Variants in ROR1 observed in about 807,000 individuals in gnomAD.
The protein encoded by ROR1 is ROR family WNT receptor 1.
A neutral mutation model predicts 78.8 loss-of-function variants in ROR1; 19 were observed. That is an observed-to-expected ratio of 0.24 (90% CI 0.17 to 0.35). The LOEUF is 0.35. Among genes scored for constraint, ROR1 ranks in the 10% least tolerant of loss-of-function variants. The pLI is 1.00. For missense variants in ROR1, 917 were observed against 1,177.8 expected, an observed-to-expected ratio of 0.78 and a Z score of 3.24; for synonymous variants, 386 against 433.6, an observed-to-expected ratio of 0.89 and a Z score of 1.36.
At chr1:63,941,661 G>C (rs146291541) in intron 1 of ROR1, among the ~76,000 whole-genome samples, 1 of 152,152 alleles carries the variant, frequency 6.6e-6, no homozygotes, top group Non-Finnish European at 1.5e-5. Flanking sequence ...CTGCAAAGAT[G>C]TGTAGACATA....
chr1:64,069,305 A>G (rs1187797301), intron 4 of ROR1, among the ~76,000 whole-genome samples: 1 of 152,224 alleles, frequency 6.6e-6, no homozygotes, highest in Non-Finnish European at 1.5e-5. Flanking sequence ...TTTGTGGCAT[A>G]TCTTCTTCCC....
intron 1 of ROR1, among the ~76,000 whole-genome samples, chr1:63,921,236 TATTAA>T (rs1645651840): frequency 6.6e-6 from 1 of 152,146 alleles, no homozygotes; most frequent in Non-Finnish European, 1.5e-5. Flanking sequence ...GGGCAGTGCT[TATTAA>T]ATTCAGCGTG....
chr1:64,129,393 T>C (rs1009186678), intron 4 of ROR1, among the ~76,000 whole-genome samples: 5 of 152,248 alleles, frequency 3.3e-5, no homozygotes, highest in African/African-American at 1.2e-4. Context: ...TTGGTATGTG[T>C]GAATTTCATA....
At chr1:64,098,652 G>C (rs905108654) in intron 4 of ROR1, among the ~76,000 whole-genome samples, 6 of 152,102 alleles carry the variant, frequency 3.9e-5, no homozygotes, top group Non-Finnish European at 8.8e-5. Flanking sequence ...GTGGTTCCAG[G>C]GCTTTGGGAT....
chr1:64,098,741 C>T (rs1251343403), intron 4 of ROR1, among the ~76,000 whole-genome samples: 2 of 152,134 alleles, frequency 1.3e-5, no homozygotes, highest in Non-Finnish European at 2.9e-5. Context: ...TCTTTCATCC[C>T]AGCTGACTGT....
At chr1:64,095,194 A>T (rs975152284) in intron 4 of ROR1, 1 of 152,180 alleles carries the variant, frequency 6.6e-6, no homozygotes, top group Non-Finnish European at 1.5e-5. Context: ...TGTCTCTTAG[A>T]CTTCTCCCTG....
intron 1 of ROR1, among the ~76,000 whole-genome samples, chr1:63,925,663 TC>T (rs1645696935): frequency 6.6e-6 from 1 of 151,028 alleles, no homozygotes; most frequent in Non-Finnish European, 1.5e-5. Flanking sequence ...CTCCACATCC[TC>T]TCCAGCACCT....
At chr1:63,933,797 T>C (rs1347237694) in intron 1 of ROR1, among the ~76,000 whole-genome samples, 1 of 152,148 alleles carries the variant, frequency 6.6e-6, no homozygotes, top group African/African-American at 2.4e-5. Flanking sequence ...CACCAGCAAA[T>C]GTCATGCAGT....
intron 2 of ROR1, among the ~76,000 whole-genome samples, chr1:64,048,919 G>T (rs1646806407): frequency 6.6e-6 from 1 of 152,090 alleles, no homozygotes; most frequent in African/African-American, 2.4e-5. Context: ...GATTGTGGGG[G>T]TACTTTCTGG....
chr1:63,825,203 T>A (rs767711369), intron 1 of ROR1, among the ~76,000 whole-genome samples: 3 of 152,170 alleles, frequency 2.0e-5, no homozygotes, highest in Non-Finnish European at 2.9e-5. Context: ...TGAAAACACA[T>A]GCCCACACAA....
At chr1:64,070,334 TG>T (rs1646993359) in intron 4 of ROR1, among the ~76,000 whole-genome samples, 1 of 152,160 alleles carries the variant, frequency 6.6e-6, no homozygotes, top group African/African-American at 2.4e-5. Context: ...TTCAGTTTTT[TG>T]TTTTGTTTTT....
At chr1:63,783,948 A>T (rs1644668885) in intron 1 of ROR1, among the ~76,000 whole-genome samples, 1 of 152,202 alleles carries the variant, frequency 6.6e-6, no homozygotes, top group African/African-American at 2.4e-5. Context: ...CCACACAGAG[A>T]GTTAAATGGG....
chr1:63,890,248 G>C (rs373274196), intron 1 of ROR1, among the ~76,000 whole-genome samples: 1 of 151,314 alleles, frequency 6.6e-6, no homozygotes, highest in Non-Finnish European at 1.5e-5. Flanking sequence ...TGGAGATCTC[G>C]GACTATTTTA....
At chr1:63,781,404 C>T (rs1374612581) in intron 1 of ROR1, among the ~76,000 whole-genome samples, 4 of 152,102 alleles carry the variant, frequency 2.6e-5, no homozygotes, top group Admixed American at 6.6e-5. Flanking sequence ...CAGCCAAATT[C>T]GTACAATGAT....
rs1041595539 is a variant in ROR1 at position 63,994,047 on chromosome 1, T to C, written c.92-15258T>C. On this transcript the variant is annotated intron_variant, in intron 1 of 8. Coordinates refer to ENST00000371079, the MANE Select transcript of ROR1 (RefSeq NM_005012.4). ...CAAACTCTTCATATTTCCAATCTGATTGGGGAGAAATAACATCTCATTGAA... is the reference window on the plus strand; with the variant it reads ...CAAACTCTTCATATTTCCAATCTGACTGGGGAGAAATAACATCTCATTGAA... Among the ~76,000 whole-genome samples the C allele has an allele frequency of 3.3e-5, 5 of 152,298 alleles. No individual in the cohort carries two copies. In the East Asian group the frequency reaches 7.7e-4, roughly 23 times the overall value.
chr1:64,090,339 G>A (rs1385319901), intron 4 of ROR1, among the ~76,000 whole-genome samples: 1 of 152,114 alleles, frequency 6.6e-6, no homozygotes, highest in Non-Finnish European at 1.5e-5. Flanking sequence ...AAAAGCAGAG[G>A]ATCTCAAAAG....
At chr1:64,069,846 A>G (rs915913723) in intron 4 of ROR1, among the ~76,000 whole-genome samples, 2 of 152,180 alleles carry the variant, frequency 1.3e-5, no homozygotes, top group African/African-American at 4.8e-5. Flanking sequence ...TAAACTATAC[A>G]TGACATAAAA....
chr1:63,915,300 G>A (rs924657772), intron 1 of ROR1, among the ~76,000 whole-genome samples: 1 of 152,176 alleles, frequency 6.6e-6, no homozygotes, highest in African/African-American at 2.4e-5. Context: ...TCTAATCTGG[G>A]ATGGAGATAA....
chr1:64,066,807 C>T (rs181644788), intron 4 of ROR1: 191 of 151,922 alleles, frequency 1.3e-3, no homozygotes, highest in African/African-American at 4.2e-3. Context: ...TTATTTAACC[C>T]AACATATCCA....
Sources: allele counts gnomAD v4.1 joint callset (sites outside exome capture counted in the v4.1 genomes callset), GRCh38; gene constraint gnomAD v4.1.1; transcripts MANE v1.5; gene names NCBI Gene and HGNC (gene_info 2026-07-23, HGNC 2026-07-21).